Variants in RNGTT observed in about 807,000 individuals in gnomAD.
RNGTT encodes the protein RNA guanylyltransferase and 5'-phosphatase, also known as mRNA-capping enzyme.
Under a neutral mutation model 79.3 loss-of-function variants are expected in RNGTT, and 33 were observed. The observed-to-expected ratio is 0.42, with a 90% CI of 0.32 to 0.56. RNGTT has a LOEUF of 0.56. Among genes scored for constraint, RNGTT ranks in the 20% least tolerant of loss-of-function variants. The probability of loss-of-function intolerance (pLI) is 0.17; values close to 1 mark genes in which losing one functional copy is unlikely to be tolerated. For synonymous variants in RNGTT, 222 were observed against 235.9 expected, an observed-to-expected ratio of 0.94 and a Z score of 0.54; for missense variants, 497 against 739.1, an observed-to-expected ratio of 0.67 and a Z score of 3.80.
chr6:88,696,259 T>C (rs1775662593), intron 13 of RNGTT, among the ~76,000 whole-genome samples: 1 of 152,182 alleles, frequency 6.6e-6, no homozygotes, highest in Non-Finnish European at 1.5e-5. Flanking sequence ...CTCATAAATA[T>C]TGTAATCGTA....
intron 12 of RNGTT, among the ~76,000 whole-genome samples, chr6:88,783,219 A>G (rs1402358943): frequency 6.6e-6 from 1 of 152,192 alleles, no homozygotes; most frequent in East Asian, 1.9e-4. Context: ...CCTTACCCCC[A>G]GAAAAGTAAT....
At chr6:88,653,100 A>T (rs550032952) in intron 14 of RNGTT, among the ~76,000 whole-genome samples, 94 of 152,322 alleles carry the variant, frequency 6.2e-4, no homozygotes, top group African/African-American at 2.2e-3. Flanking sequence ...CTGAAATTCA[A>T]GTAAGAGAAC....
intron 13 of RNGTT, among the ~76,000 whole-genome samples, chr6:88,763,511 G>A (rs1354656046): frequency 6.6e-6 from 1 of 152,068 alleles, no homozygotes; most frequent in African/African-American, 2.4e-5. Context: ...CATGTGTAAG[G>A]ACTCCAATTT....
At chr6:88,880,487 G>A (rs890328469) in intron 8 of RNGTT, among the ~76,000 whole-genome samples, 1 of 152,040 alleles carries the variant, frequency 6.6e-6, no homozygotes, top group Non-Finnish European at 1.5e-5. Flanking sequence ...GTATATGTGT[G>A]TGTATTATAT....
At position 88,849,844 on chromosome 6, in the gene RNGTT, G is replaced by A. The variant is rs1439256897; in HGVS notation, c.1033-18C>T. ...ATCATCTCCTTGAAAGAGAAAAGAAGGTAAGTTTCTTCATACTTTAATAAC... is the reference window on the plus strand; with the variant it reads ...ATCATCTCCTTGAAAGAGAAAAGAAAGTAAGTTTCTTCATACTTTAATAAC... On this transcript the variant is annotated intron_variant, in intron 9 of 15. Coordinates refer to ENST00000369485, the MANE Select transcript of RNGTT (RefSeq NM_003800.5). The A allele has an allele frequency of 2.6e-6, 4 of 1,518,332 alleles. No individual in the cohort carries two copies. Among genetic ancestry groups the A allele is most frequent in the African/African-American group, 1.4e-5 (1 of 69,900 alleles). The allele number at this position is 1,518,332 out of a possible 1,614,324, so 94.1% of individuals were successfully genotyped here. A position where few individuals can be genotyped will look rare whatever the true frequency, so the allele number is the denominator to read the frequency against.
At chr6:88,890,155 A>T (rs1254285129) in intron 8 of RNGTT, among the ~76,000 whole-genome samples, 1 of 152,176 alleles carries the variant, frequency 6.6e-6, no homozygotes, top group Non-Finnish European at 1.5e-5. Context: ...TTATCTATTA[A>T]CCTCAACATG....
chr6:88,703,211 A>G (rs1314114729), intron 13 of RNGTT, among the ~76,000 whole-genome samples: 1 of 152,206 alleles, frequency 6.6e-6, no homozygotes, highest in Non-Finnish European at 1.5e-5. Flanking sequence ...GATGTATCCA[A>G]AGAAAACAAA....
intron 13 of RNGTT, among the ~76,000 whole-genome samples, chr6:88,722,618 A>T (rs1448053452): frequency 2.6e-5 from 4 of 152,194 alleles, no homozygotes; most frequent in Non-Finnish European, 5.9e-5. Flanking sequence ...GTTGCTGGTG[A>T]CCTAGTCTTA....
intron 1 of RNGTT, among the ~76,000 whole-genome samples, chr6:88,958,062 G>C (rs1305490364): frequency 6.6e-6 from 1 of 152,154 alleles, no homozygotes; most frequent in Non-Finnish European, 1.5e-5. Context: ...AGAGAACCCA[G>C]AAAGAAAGCC....
At chr6:88,720,192 A>C (rs1292593880) in intron 13 of RNGTT, among the ~76,000 whole-genome samples, 1 of 152,188 alleles carries the variant, frequency 6.6e-6, no homozygotes, top group Non-Finnish European at 1.5e-5. Context: ...TAAGTAAAAA[A>C]GTTAAACTTT....
intron 6 of RNGTT, among the ~76,000 whole-genome samples, chr6:88,898,962 T>C (rs1783354008): frequency 6.6e-6 from 1 of 151,586 alleles, no homozygotes; most frequent in Non-Finnish European, 1.5e-5. Flanking sequence ...ACAATACCAA[T>C]GGTAGTATGA....
intron 13 of RNGTT, among the ~76,000 whole-genome samples, chr6:88,744,498 GATCT>G (rs1777597417): frequency 6.6e-6 from 1 of 152,120 alleles, no homozygotes; most frequent in Non-Finnish European, 1.5e-5. Flanking sequence ...CTGACCTTGT[GATCT>G]ATGCACCTCA....
intron 6 of RNGTT, among the ~76,000 whole-genome samples, chr6:88,899,333 C>A (rs935794819): frequency 1.3e-5 from 2 of 151,670 alleles, no homozygotes; most frequent in African/African-American, 4.8e-5. Context: ...AATGCAGTGA[C>A]ATGATCACAG....
intron 13 of RNGTT, among the ~76,000 whole-genome samples, chr6:88,707,873 C>T (rs1038461124): frequency 2.0e-5 from 3 of 151,614 alleles, no homozygotes; most frequent in African/African-American, 7.3e-5. Flanking sequence ...TACAAAAGGC[C>T]TTCTAGGATG....
chr6:88,954,971 T>C (rs1189267184), intron 1 of RNGTT, among the ~76,000 whole-genome samples: 3 of 151,898 alleles, frequency 2.0e-5, no homozygotes, highest in Non-Finnish European at 4.4e-5. Flanking sequence ...GGCAGGAGAA[T>C]TGTTTGAACC....
At chr6:88,810,147 G>A (rs981276832) in intron 11 of RNGTT, among the ~76,000 whole-genome samples, 1 of 152,114 alleles carries the variant, frequency 6.6e-6, no homozygotes, top group Non-Finnish European at 1.5e-5. Context: ...AGAAAGTAAG[G>A]AGAACTGTAA....
At chr6:88,638,550 CT>C (rs1773186287) in intron 14 of RNGTT, among the ~76,000 whole-genome samples, 1 of 151,990 alleles carries the variant, frequency 6.6e-6, no homozygotes, top group South Asian at 2.1e-4. Flanking sequence ...AATGTTCTAC[CT>C]AATTGTAAAG....
intron 13 of RNGTT, among the ~76,000 whole-genome samples, chr6:88,765,567 T>C (rs1582433689): frequency 6.6e-6 from 1 of 152,186 alleles, no homozygotes; most frequent in African/African-American, 2.4e-5. Context: ...CAATTAAATA[T>C]TGAGTATACA....
chr6:88,942,144 C>T (rs1386620988), intron 1 of RNGTT, among the ~76,000 whole-genome samples: 1 of 151,696 alleles, frequency 6.6e-6, no homozygotes, highest in African/African-American at 2.4e-5. Flanking sequence ...CTTTCTCCAA[C>T]CTGATACTAA....
Sources: allele counts gnomAD v4.1 joint callset (sites outside exome capture counted in the v4.1 genomes callset), GRCh38; gene constraint gnomAD v4.1.1; transcripts MANE v1.5; gene names NCBI Gene and HGNC (gene_info 2026-07-23, HGNC 2026-07-21).